Variants in PCDHGA4 observed in about 807,000 individuals in gnomAD.
The protein encoded by PCDHGA4 is protocadherin gamma-A4.
In PCDHGA4, 38 loss-of-function variants were observed where a neutral mutation model predicts 54.6. The ratio of observed to expected loss-of-function variants is 0.70; its 90% CI spans 0.54 to 0.91. The LOEUF is 0.91. PCDHGA4 is among the 40% of genes least tolerant of loss of function. The pLI is 0.00. For synonymous variants in PCDHGA4, 511 were observed against 512.9 expected (o/e 1.00, Z 0.05); for missense variants, 1,298 against 1,220.9 (o/e 1.06, Z -0.94).
intron 1 of PCDHGA4, chr5:141,410,249 G>A (rs371076854): frequency 1.2e-6 from 2 of 1,613,992 alleles, no homozygotes; most frequent in Non-Finnish European, 8.5e-7. Flanking sequence ...TGTACTCTCT[G>A]ACCCCCAGGC....
intron 1 of PCDHGA4, among the ~76,000 whole-genome samples, chr5:141,463,944 T>C (rs1454454223): frequency 3.3e-5 from 5 of 152,158 alleles, no homozygotes; most frequent in African/African-American, 4.8e-5. Flanking sequence ...TTTATAGAAA[T>C]CTTCATTTTT....
In PCDHGA4 at chr5:141,365,655, T is replaced by C. The variant is rs759352758; in HGVS notation, c.2514+8034T>C. On this transcript the variant is annotated intron_variant, in intron 1 of 3. Coordinates refer to ENST00000571252, the MANE Select transcript of PCDHGA4 (RefSeq NM_018917.4). ...ACAGAAAGCCACATCCCCTTGAAAGTAGCAGACGTTAATGACAACCCACCC... is the reference window on the plus strand; with the variant it reads ...ACAGAAAGCCACATCCCCTTGAAAGCAGCAGACGTTAATGACAACCCACCC... 8.7e-6 allele frequency: 14 copies of C among 1,613,386 alleles called. No individual in the cohort carries two copies. Among genetic ancestry groups the C allele is most frequent in the African/African-American group, 4.0e-5 (3 of 74,886 alleles).
intron 1 of PCDHGA4, among the ~76,000 whole-genome samples, chr5:141,453,643 T>G (rs1267570786): frequency 2.6e-5 from 4 of 152,240 alleles, no homozygotes; most frequent in Non-Finnish European, 5.9e-5. Flanking sequence ...TATATTTTCT[T>G]ATGTCCTCTT....
At chr5:141,374,243 C>T in intron 1 of PCDHGA4, 1 of 1,614,000 alleles carries the variant, frequency 6.2e-7, no homozygotes, top group East Asian at 2.2e-5. Context: ...GGATCTGGGA[C>T]TGGAGCCCCA....
Position 141,404,312 on chromosome 5 carries a change from C to T in PCDHGA4, c.2514+46691C>T. On this transcript the variant is annotated intron_variant, in intron 1 of 3. Transcript: ENST00000571252. ...CAATGATAATCCACCTGCTTTCTCT[C>T]AAGCCTCCTACTCAGTCTACCTCCC... is the stretch of plus-strand genomic sequence containing the variant. 1.9e-6 allele frequency: 3 copies of T among 1,613,956 alleles called. No individual in the cohort carries two copies. The Middle Eastern group carries it at 4.9e-4, about 266-fold the overall frequency.
At chr5:141,388,715 T>A (rs2091466126) in intron 1 of PCDHGA4, 1 of 1,613,878 alleles carries the variant, frequency 6.2e-7, no homozygotes, top group Non-Finnish European at 8.5e-7. Flanking sequence ...ATGCCGAGAT[T>A]ACTTTCTCTT....
intron 1 of PCDHGA4, chr5:141,375,224 C>G (rs1771263153): frequency 6.2e-7 from 1 of 1,613,976 alleles, no homozygotes; most frequent in Non-Finnish European, 8.5e-7. Flanking sequence ...CCTGAATGGC[C>G]TGGTAACCTG....
In PCDHGA4 at chr5:141,493,026, C is replaced by T. The variant is rs73280358; in HGVS notation, c.2515-1781C>T. 6.6e-6 allele frequency among the ~76,000 whole-genome samples: 1 copy of T among 152,190 alleles called. No individual in the cohort carries two copies. The highest frequency in any genetic ancestry group is 1.5e-5 in the Non-Finnish European group (1 of 68,034). Reference sequence around the variant, plus strand: ...TAGGCTCTGCCAGATGCCAGGGTGCCCTTATGTGTGAGGAAACTACAATAG... The same window carrying T: ...TAGGCTCTGCCAGATGCCAGGGTGCTCTTATGTGTGAGGAAACTACAATAG... On this transcript the variant is annotated intron_variant, in intron 1 of 3. Coordinates refer to ENST00000571252, the MANE Select transcript of PCDHGA4 (RefSeq NM_018917.4). This position sits in a 1 kb window ranked among gnomAD's most constrained non-coding sequence, Gnocchi z 4.3.
chr5:141,430,826 C>T (rs993762069), intron 1 of PCDHGA4: 1 of 1,550,298 alleles, frequency 6.5e-7, no homozygotes, highest in Non-Finnish European at 8.7e-7. Context: ...CCTGGGGACT[C>T]TGTGGGAGAC....
intron 1 of PCDHGA4, chr5:141,360,021 C>T: frequency 7.7e-7 from 1 of 1,297,264 alleles, no homozygotes; most frequent in Non-Finnish European, 1.0e-6. Context: ...ACAGAGAAGG[C>T]CAGTATAGAT....
intron 1 of PCDHGA4, chr5:141,427,607 T>C (rs1157037825): frequency 1.5e-6 from 1 of 688,594 alleles, no homozygotes; most frequent in Non-Finnish European, 2.7e-6. Context: ...TACGCATTGG[T>C]GAAGTCAACG....
intron 1 of PCDHGA4, among the ~76,000 whole-genome samples, chr5:141,358,054 G>A (rs1760803324): frequency 6.6e-6 from 1 of 152,172 alleles, no homozygotes; most frequent in African/African-American, 2.4e-5. Flanking sequence ...GCTAGGCGTG[G>A]TGGTGTGTGC....
intron 1 of PCDHGA4, chr5:141,395,381 A>G (rs562557513): frequency 2.0e-4 from 223 of 1,094,768 alleles, no homozygotes; most frequent in African/African-American, 1.2e-3. Context: ...TGGTGTTACT[A>G]TAAAATTGAA....
At chr5:141,421,261 C>T (rs753531462) in intron 1 of PCDHGA4, 24 of 1,609,076 alleles carry the variant, frequency 1.5e-5, no homozygotes, top group Non-Finnish European at 2.0e-5. Context: ...GGACCGCAGT[C>T]GGCTGCTGCT....
intron 1 of PCDHGA4, chr5:141,385,577 T>C: frequency 1.6e-6 from 2 of 1,290,108 alleles, no homozygotes; most frequent in Non-Finnish European, 2.0e-6. Context: ...TACTTTCCAA[T>C]CTATGTTCCA....
At chr5:141,394,188 G>A (rs772537455) in intron 1 of PCDHGA4, 1 of 1,613,828 alleles carries the variant, frequency 6.2e-7, no homozygotes, top group Non-Finnish European at 8.5e-7. Flanking sequence ...CTCCTACTCA[G>A]CGTATATCCT....
At chr5:141,478,428 C>G in intron 1 of PCDHGA4, 1 of 1,613,746 alleles carries the variant, frequency 6.2e-7, no homozygotes. Flanking sequence ...CGCAGCGACC[C>G]GCTGCTGAAG....
chr5:141,415,588 A>G lies in PCDHGA4; in HGVS notation c.2514+57967A>G, dbSNP rs769216282. 3.3e-5 allele frequency: 53 copies of G among 1,613,874 alleles called. No individual in the cohort carries two copies. Among genetic ancestry groups the G allele is most frequent in the Admixed American group, 3.3e-5 (2 of 59,998 alleles). ...TTTGTTAGATGATTCGAAGTTTCCT[A>G]TAGAGGATACCCCATTGGTTCCAGT... On this transcript the variant is annotated intron_variant, in intron 1 of 3. Transcript: ENST00000571252.
chr5:141,478,124 T>C (rs776469996), intron 1 of PCDHGA4: 1 of 1,613,978 alleles, frequency 6.2e-7, no homozygotes, highest in South Asian at 1.1e-5. Flanking sequence ...AACCGAGGAC[T>C]CTCCTGAAGC....
Sources: allele counts gnomAD v4.1 joint callset (sites outside exome capture counted in the v4.1 genomes callset), GRCh38; gene constraint gnomAD v4.1.1; non-coding constraint Gnocchi (gnomAD v3.1); transcripts MANE v1.5; gene names NCBI Gene and HGNC (gene_info 2026-07-23, HGNC 2026-07-21).